The following NAT16 variants were observed in gnomAD, a reference collection of about 807,000 sequenced individuals.
NAT16 encodes N-acetyltransferase 16 (putative).
In NAT16, 16 loss-of-function variants were observed where a neutral mutation model predicts 15.9. The observed-to-expected ratio is 1.01, with a 90% CI of 0.68 to 1.53. NAT16 has a LOEUF of 1.53. Ranked by LOEUF, NAT16 falls within the 40% of genes most tolerant of loss-of-function variation. The pLI is 0.00. For missense variants in NAT16, 572 were observed against 508.4 expected, an observed-to-expected ratio of 1.13 and a Z score of -1.20; for synonymous variants, 260 against 241.9, an observed-to-expected ratio of 1.07 and a Z score of -0.69.
At position 101,175,977 on chromosome 7, in the gene NAT16, C is replaced by A. The variant is rs530961091; in HGVS notation, c.-4-1166G>T. ...AAGGATCCCATCACCTCTCTAAGAC[C>A]TCTGCAAGGACAACATGAGAAAGAA... On this transcript the variant is annotated intron_variant, in intron 1 of 3. Transcript: ENST00000300303. Among the ~76,000 whole-genome samples the A allele has an allele frequency of 2.0e-5, 3 of 151,992 alleles. No homozygotes were observed. In the South Asian group the frequency reaches 6.2e-4, roughly 32 times the overall value.
At chr7:101,178,613 C>T (rs1797515331) in intron 1 of NAT16, among the ~76,000 whole-genome samples, 1 of 149,536 alleles carries the variant, frequency 6.7e-6, no homozygotes, top group South Asian at 2.1e-4. Flanking sequence ...TGGCTCATGC[C>T]TATAATCCCA....
rs755262472 is a variant in NAT16, at chr7:101,172,523, G to A, written c.666C>T (p.Asp222=). The change falls in exon 4 of 4, where the codon GAC becomes GAT. Residue 222 remains aspartate, a synonymous_variant. Coordinates refer to ENST00000300303, the MANE Select transcript of NAT16 (RefSeq NM_198571.3). The surrounding 1 kb of genome is among the most constrained non-coding windows in gnomAD (Gnocchi z 4.2). ...AGGGTGACAGCAGGAGGCGTGCCAC[G>A]TCGCCGCCTGCCTCGGACACGGCCT... ...PTEAVSEAGG[D]VARLLLSPSV... is the part of the protein sequence containing the mutation. 1.1e-5 allele frequency: 17 copies of A among 1,577,208 alleles called. No homozygotes were observed. The highest frequency in any genetic ancestry group is 1.4e-5 in the Non-Finnish European group (16 of 1,169,488).
At chr7:101,177,928 T>A (rs761614353) in intron 1 of NAT16, among the ~76,000 whole-genome samples, 2 of 152,320 alleles carry the variant, frequency 1.3e-5, no homozygotes, top group South Asian at 2.1e-4. Context: ...AGTTAGCTCC[T>A]GACTCCATCT....
chr7:101,172,358 G>A lies in NAT16; in HGVS notation c.831C>T (p.Leu277=), dbSNP rs1281631779. 1 of 1,585,110 alleles carries A rather than the reference G, an allele frequency of 6.3e-7. No individual in the cohort carries two copies. The highest frequency in any genetic ancestry group is 1.1e-5 in the South Asian group (1 of 88,752). ...RVDSRARPRV[L]TLCTRPFPIP... is the part of the protein sequence containing the mutation. Reference sequence around the variant, plus strand: ...TGGGGAAGGGGCGCGTGCACAGCGTGAGCACGCGCGGGCGCGCGCGGCTGT... The same window carrying A: ...TGGGGAAGGGGCGCGTGCACAGCGTAAGCACGCGCGGGCGCGCGCGGCTGT... Residue 277 remains leucine, a synonymous_variant, in exon 4 of 4, where the codon CTC becomes CTT. Transcript: ENST00000300303. The surrounding 1 kb of genome is among the most constrained non-coding windows in gnomAD (Gnocchi z 4.2).
At chr7:101,178,710 TA>T (rs386410830) in intron 1 of NAT16, among the ~76,000 whole-genome samples, 8,301 of 72,598 alleles carry the variant, frequency 0.11, 324 homozygotes, top group African/African-American at 0.2. Flanking sequence ...CTCTCTCTAC[TA>T]AAAAAAAAAA....
Position 101,173,309 on chromosome 7 carries a change from A to T in NAT16, c.524T>A (p.Leu175Gln). ...LGPRELKKYR[L>Q]ITKQGILLVR... ...TGTCCTTCTCACCTGCTTGGTGATT[A>T]GGCGGTATTTCTTCAGCTCCCGGGG... Residue 175 changes from leucine to glutamine, a missense_variant, in exon 3 of 4, where the codon CTA becomes CAA. Physicochemically the swap from Leu to Gln is moderately radical, Grantham distance 113 (BLOSUM62 -2). Transcript: ENST00000300303. 1 of 1,613,820 alleles carries T rather than the reference A, an allele frequency of 6.2e-7. No individual in the cohort carries two copies. Among genetic ancestry groups the T allele is most frequent in the Non-Finnish European group, 8.5e-7 (1 of 1,179,906 alleles).
rs1399658956 is a variant in NAT16 at position 101,174,739 on chromosome 7, T to C, written c.69A>G (p.Arg23=). The change falls in exon 2 of 4, where the codon CGA becomes CGG. Residue 23 remains arginine, a synonymous_variant. Coordinates refer to ENST00000300303, the MANE Select transcript of NAT16 (RefSeq NM_198571.3). ...EVPKPEKKTA[R]DAEPSSETRP... is the part of the protein sequence containing the mutation. ...GGGTTTCAGAGCTTGGCTCTGCATCTCGGGCAGTCTTCTTTTCCGGCTTAG... is the reference window on the plus strand; with the variant it reads ...GGGTTTCAGAGCTTGGCTCTGCATCCCGGGCAGTCTTCTTTTCCGGCTTAG... The C allele has an allele frequency of 1.2e-6, 2 of 1,608,082 alleles. No individual in the cohort carries two copies. Among genetic ancestry groups the C allele is most frequent in the African/African-American group, 2.7e-5 (2 of 74,884 alleles).
chr7:101,179,785 C>T (rs1036421858), intron 1 of NAT16, among the ~76,000 whole-genome samples: 5 of 144,238 alleles, frequency 3.5e-5, no homozygotes, highest in African/African-American at 1.3e-4. Context: ...ATCTGCTTGG[C>T]GGGGGTTCCC....
At position 101,171,684 on chromosome 7, in the gene NAT16, C is replaced by T. The variant is rs1797324271; in HGVS notation, c.*395G>A. On this transcript the variant is annotated 3_prime_UTR_variant, in exon 4 of 4. Transcript: ENST00000300303. Reference sequence around the variant, plus strand: ...ACACACTCCTGAGTTCTTCCACCCACGAGGGGGCAGAAGGGAGAAGCCAGG... The same window carrying T: ...ACACACTCCTGAGTTCTTCCACCCATGAGGGGGCAGAAGGGAGAAGCCAGG... 1 of 185,698 alleles carries T rather than the reference C, an allele frequency of 5.4e-6. No homozygotes were observed. The highest frequency in any genetic ancestry group is 1.2e-4 in the South Asian group (1 of 8,026). 11.5% of individuals were successfully genotyped at this position (185,698 alleles called of 1,614,324 possible). A position where few individuals can be genotyped will look rare whatever the true frequency, so the allele number is the denominator to read the frequency against.
At chr7:101,179,853 G>A (rs1162698954) in intron 1 of NAT16, among the ~76,000 whole-genome samples, 189 bp downstream of exon 1, 1 of 151,324 alleles carries the variant, frequency 6.6e-6, no homozygotes, top group Non-Finnish European at 1.5e-5. Flanking sequence ...GGGGGCGGGG[G>A]AGCGCTTCTG....
rs1036862883 is a variant in NAT16, at chr7:101,172,033, C to T, written c.*46G>A. 2 of 1,371,454 alleles carry T rather than the reference C, an allele frequency of 1.5e-6. No individual in the cohort carries two copies. Among genetic ancestry groups the T allele is most frequent in the South Asian group, 2.5e-5 (2 of 80,460 alleles). The allele number at this position is 1,371,454 out of a possible 1,614,324, so 85.0% of individuals were successfully genotyped here. On this transcript the variant is annotated 3_prime_UTR_variant, in exon 4 of 4. Coordinates refer to ENST00000300303, the MANE Select transcript of NAT16 (RefSeq NM_198571.3). This position sits in a 1 kb window ranked among gnomAD's most constrained non-coding sequence, Gnocchi z 4.2. Reference sequence around the variant, plus strand: ...GGAAAGAGGCTGGCTGGGGAAACTGCGGAAGGGGGCGGGTCTTTTTCCCCC... The same window carrying T: ...GGAAAGAGGCTGGCTGGGGAAACTGTGGAAGGGGGCGGGTCTTTTTCCCCC...
At chr7:101,178,054 A>G (rs1797504490) in intron 1 of NAT16, among the ~76,000 whole-genome samples, 4 of 152,196 alleles carry the variant, frequency 2.6e-5, no homozygotes, top group Admixed American at 2.0e-4. Flanking sequence ...AGTTGTGAGC[A>G]ACCGGTAGAC....
chr7:101,174,666 C>G lies in NAT16; in HGVS notation c.142G>C (p.Ala48Pro). ...ACGAAGTCCAATGGCTCGGCCTCAG[C>G]CTCAGGCCCCGATCCCGACCTGGGC... ...AEPRSGSGPE[A>P]EAEPLDFVVA... Residue 48 changes from alanine (A) to proline (P), a missense_variant, in exon 2 of 4, where the codon GCT (alanine) becomes CCT (proline). Ala to Pro is a conservative substitution (Grantham distance 27, BLOSUM62 -1). Coordinates refer to ENST00000300303, the MANE Select transcript of NAT16 (RefSeq NM_198571.3). 6.2e-7 allele frequency: 1 copy of G among 1,614,112 alleles called. No homozygotes were observed. The highest frequency in any genetic ancestry group is 8.5e-7 in the Non-Finnish European group (1 of 1,180,040).
At chr7:101,175,063 TC>T (rs1238144251) in intron 1 of NAT16, among the ~76,000 whole-genome samples, 1 of 152,164 alleles carries the variant, frequency 6.6e-6, no homozygotes, top group Non-Finnish European at 1.5e-5. Flanking sequence ...CAAACTATTC[TC>T]CTGCCTTCAC....
At chr7:101,176,307 C>T (rs558641571) in intron 1 of NAT16, among the ~76,000 whole-genome samples, 7 of 152,234 alleles carry the variant, frequency 4.6e-5, no homozygotes, top group African/African-American at 1.7e-4. Context: ...CCAGCCTGGC[C>T]AGCGTGATGA....
In NAT16 at chr7:101,172,587, G is replaced by C; in HGVS notation, c.602C>G (p.Ala201Gly). 2.0e-6 allele frequency: 3 copies of C among 1,528,124 alleles called. 1 individual carries two copies. The South Asian group carries it at 3.6e-5, about 18-fold the overall frequency. The allele number at this position is 1,528,124 out of a possible 1,614,324, so 94.7% of individuals were successfully genotyped here. A position where few individuals can be genotyped will look rare whatever the true frequency, so the allele number is the denominator to read the frequency against. The change falls in exon 4 of 4, where the codon GCG (alanine) becomes GGG (glycine). Residue 201 changes from alanine (A) to glycine (G), a missense_variant. Coordinates refer to ENST00000300303, the MANE Select transcript of NAT16 (RefSeq NM_198571.3). The surrounding 1 kb of genome is among the most constrained non-coding windows in gnomAD (Gnocchi z 4.2). ...LLAGLGARLA[A>G]LRTSGTFSPL... ...CGAGAAGGTGCCAGAGGTCCGCAGC[G>C]CCGCCAGCCGCGCGCCCAGCCCGGC...
At position 101,170,670 on chromosome 7, in the gene NAT16, C is replaced by T. The variant is rs571013672; in HGVS notation, c.*1409G>A. The T allele has an allele frequency of 6.6e-6, 1 of 152,620 alleles. No homozygotes were observed. Among genetic ancestry groups the T allele is most frequent in the African/African-American group, 2.4e-5 (1 of 41,580 alleles). The allele number at this position is 152,620 out of a possible 1,614,324, so 9.5% of individuals were successfully genotyped here. A position where few individuals can be genotyped will look rare whatever the true frequency, so the allele number is the denominator to read the frequency against. Reference sequence around the variant, plus strand: ...CCCCCACCTTGTCCACATTCTTCCACCTGCTGGTGTCCACCTCTGCCCACA... The same window carrying T: ...CCCCCACCTTGTCCACATTCTTCCATCTGCTGGTGTCCACCTCTGCCCACA... On this transcript the variant is annotated 3_prime_UTR_variant, in exon 4 of 4. Coordinates refer to ENST00000300303, the MANE Select transcript of NAT16 (RefSeq NM_198571.3).
intron 1 of NAT16, 58 bp from the exon 2 acceptor site, chr7:101,174,869 C>A (rs1208666411): frequency 6.7e-7 from 1 of 1,496,766 alleles, no homozygotes; most frequent in Non-Finnish European, 8.9e-7. Context: ...CACATCTGGG[C>A]CCCTGCACAC....
intron 2 of NAT16, chr7:101,173,819 G>C (rs533573523): frequency 4.1e-4 from 175 of 427,408 alleles, no homozygotes; most frequent in Non-Finnish European, 5.9e-4. Flanking sequence ...AAACTCCTGG[G>C]CTCAAGCGAT....
Sources: gnomAD v4.1 joint callset for allele counts (sites outside exome capture counted in the v4.1 genomes callset) on GRCh38, gnomAD v4.1.1 for gene constraint, Gnocchi (gnomAD v3.1) non-coding constraint, MANE v1.5 for transcripts, NCBI Gene and HGNC (gene_info 2026-07-23, HGNC 2026-07-21) for gene names.